The following DNAH17 variants were observed in gnomAD, a reference collection of about 807,000 sequenced individuals.
The protein encoded by DNAH17 is axonemal beta dynein heavy chain 17.
DNAH17 carries 376 observed loss-of-function variants against 485.6 expected under a neutral mutation model. The ratio of observed to expected loss-of-function variants is 0.77; its 90% CI spans 0.71 to 0.84. The LOEUF (loss-of-function observed/expected upper bound fraction) is 0.84. DNAH17 is among the 40% of genes least tolerant of loss of function. The pLI is 0.00. For missense variants in DNAH17, 6,370 were observed against 5,839.3 expected, an observed-to-expected ratio of 1.09 and a Z score of -2.96; for synonymous variants, 3,031 against 2,405.9, an observed-to-expected ratio of 1.26 and a Z score of -7.60.
At position 78,425,329 on chromosome 17, in the gene DNAH17, A is replaced by C. The variant is rs529878020; in HGVS notation, c.13141+17T>G. 3.7e-6 allele frequency: 6 copies of C among 1,610,224 alleles called. 1 individual carries two copies. In the East Asian group the frequency reaches 1.3e-4, roughly 36 times the overall value. Reference sequence around the variant, plus strand: ...TGGCTCTGGAAGCTTCTGCAGACAGACAAGAGCCCTCCTTACCTTCCATGA... The same window carrying C: ...TGGCTCTGGAAGCTTCTGCAGACAGCCAAGAGCCCTCCTTACCTTCCATGA... On this transcript the variant is annotated intron_variant, in intron 80 of 80. Transcript: ENST00000389840.
intron 31 of DNAH17, among the ~76,000 whole-genome samples, chr17:78,504,126 C>T (rs1223492578): frequency 2.6e-5 from 4 of 151,132 alleles, no homozygotes; most frequent in African/African-American, 4.9e-5. Flanking sequence ...AGTGTAGTGG[C>T]GTGATCTCGG....
intron 15 of DNAH17, among the ~76,000 whole-genome samples, chr17:78,552,139 G>A (rs1413227205): frequency 6.6e-6 from 1 of 152,140 alleles, no homozygotes; most frequent in African/African-American, 2.4e-5. Flanking sequence ...GTGTCCCTTT[G>A]GACATAGGGT....
chr17:78,434,349 G>T, intron 74 of DNAH17, 129 bp from the exon 75 acceptor site: 2 of 806,592 alleles, frequency 2.5e-6, no homozygotes, highest in Non-Finnish European at 1.9e-6. Flanking sequence ...GGGGTACAAA[G>T]CTGTGGGCTG....
chr17:78,462,893 A>G lies in DNAH17; in HGVS notation c.9125T>C (p.Ile3042Thr). 3 of 1,613,878 alleles carry G rather than the reference A, an allele frequency of 1.9e-6. No individual in the cohort carries two copies. Among genetic ancestry groups the G allele is most frequent in the Middle Eastern group, 1.7e-4 (1 of 6,060 alleles). ...AKKRTELVAK[I>T]ERLENGLMKL... ...CATCAGGCCGTTCTCCAGCCTCTCG[A>G]TTTTGGCAACAAGTTCCGTTCTCTT... The change falls in exon 57 of 81, where the codon ATC (isoleucine) becomes ACC (threonine). Residue 3042 changes from isoleucine to threonine, a missense_variant. By Grantham distance (89) the Ile-to-Thr change is moderately conservative. Transcript: ENST00000389840.
chr17:78,576,978 C>T (rs907644547), intron 1 of DNAH17, among the ~76,000 whole-genome samples: 2 of 152,152 alleles, frequency 1.3e-5, no homozygotes, highest in Non-Finnish European at 1.5e-5. Flanking sequence ...GGGAGGTGGC[C>T]CATGCCCCAG....
At chr17:78,473,471 G>A (rs993804872) in intron 54 of DNAH17, among the ~76,000 whole-genome samples, 1 of 149,394 alleles carries the variant, frequency 6.7e-6, no homozygotes, top group Non-Finnish European at 1.5e-5. Context: ...GTGAACCCGG[G>A]AAGCGGAGCT....
chr17:78,491,889 C>T (rs139087311), intron 42 of DNAH17, among the ~76,000 whole-genome samples: 14 of 152,358 alleles, frequency 9.2e-5, no homozygotes, highest in African/African-American at 2.4e-4. Context: ...CCTGTGCACC[C>T]AGCTCTGTCC....
chr17:78,424,277 C>T (rs758584849), intron 80 of DNAH17, 124 bp from the exon 81 acceptor site: 17 of 1,282,200 alleles, frequency 1.3e-5, no homozygotes, highest in Non-Finnish European at 1.7e-5. Context: ...CAAAAGGCTT[C>T]AGGCCAGCTG....
In DNAH17 at chr17:78,501,351, G is replaced by A. The variant is rs1449907086; in HGVS notation, c.5323-7C>T. ...AGGCCTGAGAACTCTCCACCTGCAG[G>A]ATGAGCCGGAGCTCTTGTTGCCAGG... On this transcript the variant is annotated splice_polypyrimidine_tract_variant and splice_region_variant and intron_variant, in intron 34 of 80. Coordinates refer to ENST00000389840, the MANE Select transcript of DNAH17 (RefSeq NM_173628.4). 1 of 1,583,622 alleles carries A rather than the reference G, an allele frequency of 6.3e-7. No individual in the cohort carries two copies. Among genetic ancestry groups the A allele is most frequent in the Non-Finnish European group, 8.6e-7 (1 of 1,157,320 alleles).
chr17:78,511,003 A>T (rs1414938733), intron 26 of DNAH17, among the ~76,000 whole-genome samples: 1 of 152,266 alleles, frequency 6.6e-6, no homozygotes, highest in Non-Finnish European at 1.5e-5. Context: ...TGGAGCCCCC[A>T]GAAGCTGGAG....
In DNAH17 at chr17:78,526,937, C is replaced by T. The variant is rs1174622800; in HGVS notation, c.3567G>A (p.Val1189=). The T allele has an allele frequency of 6.3e-7, 1 of 1,588,626 alleles. No individual in the cohort carries two copies. The highest frequency in any genetic ancestry group is 1.8e-5 in the Admixed American group (1 of 55,974). ...TGACCTCGTTGGCCTGGAGTGGTGC[C>T]ACGGTCAGCTTCACCTGAATGGCCA... ...KKLAIQVKLT[V]APLQANEVSI... The change falls in exon 23 of 81, where the codon GTG becomes GTA. Residue 1189 remains valine, a synonymous_variant. Coordinates refer to ENST00000389840, the MANE Select transcript of DNAH17 (RefSeq NM_173628.4).
At chr17:78,532,993 G>A (rs2143331421) in intron 19 of DNAH17, 1 of 342,376 alleles carries the variant, frequency 2.9e-6, no homozygotes, top group Non-Finnish European at 5.3e-6. Context: ...CTGGGCTCAA[G>A]CGATCCTCCT....
At chr17:78,460,371 T>A in intron 58 of DNAH17, 114 bp from the exon 59 acceptor site, 1 of 892,190 alleles carries the variant, frequency 1.1e-6, no homozygotes, top group Non-Finnish European at 1.7e-6. Context: ...TGCACGTGCA[T>A]GAGTGTATGT....
In DNAH17 at chr17:78,437,630, C is replaced by T. The variant is rs770632193; in HGVS notation, c.12033+11G>A. 1.9e-6 allele frequency: 3 copies of T among 1,595,600 alleles called. No homozygotes were observed. The highest frequency in any genetic ancestry group is 3.4e-5 in the Admixed American group (2 of 58,628). ...GGGATGGGGAGGCAGCCCGAGCAGG[C>T]GTGGCCCTACCTGGGTGAACAGGTC... On this transcript the variant is annotated intron_variant, in intron 74 of 80. Coordinates refer to ENST00000389840, the MANE Select transcript of DNAH17 (RefSeq NM_173628.4).
At chr17:78,501,953 T>G in intron 33 of DNAH17, 80 bp from the exon 34 acceptor site, 1 of 1,575,640 alleles carries the variant, frequency 6.3e-7, no homozygotes, top group Middle Eastern at 1.7e-4. Context: ...TGCCCACAGC[T>G]GCATAGGGAA....
At chr17:78,545,875 T>C (rs909937380) in intron 16 of DNAH17, among the ~76,000 whole-genome samples, 3 of 152,218 alleles carry the variant, frequency 2.0e-5, no homozygotes, top group Non-Finnish European at 4.4e-5. Context: ...TAGCTAAATA[T>C]ATATTTTTGC....
At chr17:78,544,891 T>C (rs920491946) in intron 16 of DNAH17, among the ~76,000 whole-genome samples, 2 of 151,994 alleles carry the variant, frequency 1.3e-5, no homozygotes, top group South Asian at 2.1e-4. Context: ...AGATTTTTTT[T>C]CCCTACACAT....
Position 78,502,966 on chromosome 17 carries a change from G to C in DNAH17, c.5002C>G (p.Leu1668Val), listed in dbSNP as rs748271506. ...ACGGCCTCTGGGATTTCGTGCCGGA[G>C]GGTAGAGCACATTCGGTCCAGCACT... The part of the protein sequence containing the change: ...NRVLDRMCST[L>V]RHEIPEAVVT... Residue 1668 changes from leucine to valine, a missense_variant, in exon 32 of 81, where the codon CTC becomes GTC. Physicochemically the swap from Leu to Val is conservative, Grantham distance 32. Transcript: ENST00000389840. 6.2e-7 allele frequency: 1 copy of C among 1,613,910 alleles called. No individual in the cohort carries two copies. Among genetic ancestry groups the C allele is most frequent in the Admixed American group, 1.7e-5 (1 of 60,010 alleles).
In DNAH17 at chr17:78,494,748, G is replaced by A. The variant is rs1279490855; in HGVS notation, c.6115C>T (p.Pro2039Ser). ...AGCACCTGGTCCTCTGCCCGGCTGG[G>A]GTCGCCCCTCTTCAGGGAGCCGGCC... Reference protein sequence around the residue: ...VVAGSLKRGDPSRAEDQVLMR... With the variant: ...VVAGSLKRGDSSRAEDQVLMR... Residue 2039 changes from proline (P) to serine (S), a missense_variant, in exon 40 of 81, where the codon CCC (proline) becomes TCC (serine). Pro to Ser is a moderately conservative substitution (Grantham distance 74). Coordinates refer to ENST00000389840, the MANE Select transcript of DNAH17 (RefSeq NM_173628.4). 1 of 1,613,546 alleles carries A rather than the reference G, an allele frequency of 6.2e-7. No individual in the cohort carries two copies. The highest frequency in any genetic ancestry group is 1.7e-5 in the Admixed American group (1 of 59,996).
Sources: gnomAD v4.1 joint callset for allele counts (sites outside exome capture counted in the v4.1 genomes callset) on GRCh38, gnomAD v4.1.1 for gene constraint, MANE v1.5 for transcripts, NCBI Gene and HGNC (gene_info 2026-07-23, HGNC 2026-07-21) for gene names.